Variants in ZNF766 observed in about 807,000 individuals in gnomAD.
ZNF766 encodes the protein zinc finger protein 766.
In ZNF766, 13 loss-of-function variants were observed where a neutral mutation model predicts 13.2. The ratio of observed to expected loss-of-function variants is 0.98; its 90% CI spans 0.64 to 1.56. The LOEUF is 1.56. ZNF766 is among the 40% of genes most tolerant of loss of function. The pLI, the probability that ZNF766 is intolerant of heterozygous loss-of-function variation, is 0.00. For missense variants in ZNF766, 521 were observed against 552.2 expected (o/e 0.94, Z 0.57); for synonymous variants, 178 against 187.6 (o/e 0.95, Z 0.42).
At chr19:52,272,971 A>G (rs1384098322) in intron 1 of ZNF766, among the ~76,000 whole-genome samples, 1 of 152,086 alleles carries the variant, frequency 6.6e-6, no homozygotes, top group African/African-American at 2.4e-5. Flanking sequence ...TGAACTTGTC[A>G]TATGTTCAAA....
intron 1 of ZNF766, 76 bp from the exon 2 acceptor site, chr19:52,282,035 A>AC: frequency 6.5e-7 from 1 of 1,544,792 alleles, no homozygotes; most frequent in Non-Finnish European, 8.8e-7. Flanking sequence ...GTCAGTCCTT[A>AC]CAACCCTCTT....
At chr19:52,271,216 A>G (rs1332169181) in intron 1 of ZNF766, among the ~76,000 whole-genome samples, 1 of 152,190 alleles carries the variant, frequency 6.6e-6, no homozygotes, top group African/African-American at 2.4e-5. Flanking sequence ...ATCAAAATAG[A>G]GGAGTGTGTT....
Position 52,283,317 on chromosome 19 carries a change from A to G in ZNF766, c.178A>G (p.Met60Val), listed in dbSNP as rs369038803. ...TCTTCCTGACCTGAGTATTATCTCC[A>G]TGATGAAGCAAAGGACAGAGCCCTG... ...ICLPDLSIISMMKQRTEPWTV... is the reference protein window; with the variant it reads ...ICLPDLSIISVMKQRTEPWTV... Residue 60 changes from methionine to valine, a missense_variant, in exon 3 of 4, where the codon ATG (methionine) becomes GTG (valine). Coordinates refer to ENST00000439461, the MANE Select transcript of ZNF766 (RefSeq NM_001010851.3). 114 of 1,614,050 alleles carry G rather than the reference A, an allele frequency of 7.1e-5. No individual in the cohort carries two copies. The African/African-American group carries it at 1.5e-3, about 21-fold the overall frequency.
chr19:52,272,889 T>G (rs1203644683), intron 1 of ZNF766, among the ~76,000 whole-genome samples: 2 of 152,082 alleles, frequency 1.3e-5, no homozygotes, highest in African/African-American at 4.8e-5. Flanking sequence ...CTTTCTGAAC[T>G]CCCCCAAATG....
intron 3 of ZNF766, among the ~76,000 whole-genome samples, chr19:52,287,584 A>G (rs1981896458): frequency 6.6e-6 from 1 of 152,168 alleles, no homozygotes; most frequent in Admixed American, 6.6e-5. Context: ...TATTTGATAG[A>G]ATTTTACACT....
rs758029957 is a variant in ZNF766 at position 52,269,654 on chromosome 19, TAA to T, written c.18+24_18+25del. On this transcript the variant is annotated intron_variant, in intron 1 of 3. Coordinates refer to ENST00000439461, the MANE Select transcript of ZNF766 (RefSeq NM_001010851.3). ...CGCGTGAGTTTTCCTTTGTTTAGAT[TAA>T]GTGTTCGCTTAGCGGTGCCCTCACG... 9 of 1,612,552 alleles carry T rather than the reference TAA, an allele frequency of 5.6e-6. No homozygotes were observed. The African/African-American group carries it at 9.3e-5, about 17-fold the overall frequency.
At chr19:52,289,048 G>C (rs1262923922) in intron 3 of ZNF766, among the ~76,000 whole-genome samples, 3 of 150,342 alleles carry the variant, frequency 2.0e-5, no homozygotes, top group African/African-American at 7.4e-5. Flanking sequence ...AGTAGAGATA[G>C]GGTTTCACCA....
At chr19:52,273,132 C>T (rs1014012615) in intron 1 of ZNF766, among the ~76,000 whole-genome samples, 1 of 152,074 alleles carries the variant, frequency 6.6e-6, no homozygotes, top group Non-Finnish European at 1.5e-5. Context: ...TCTCAGCCTC[C>T]CAAGTAGCTG....
rs7248487 is a variant in ZNF766, at chr19:52,292,110, A to G, written c.*912A>G. 5.0e-3 allele frequency: 3,525 copies of G among 701,554 alleles called. 35 individuals carry two copies. In the Middle Eastern group the frequency reaches 0.059, roughly 12 times the overall value. 43.5% of individuals were successfully genotyped at this position (701,554 alleles called of 1,614,324 possible). ...AAAAAGGCTAGTTTTTATGACTTCA[A>G]CCTGAACTTTGAAATTTCTTCATGT... On this transcript the variant is annotated 3_prime_UTR_variant, in exon 4 of 4. Coordinates refer to ENST00000439461, the MANE Select transcript of ZNF766 (RefSeq NM_001010851.3).
In ZNF766 at chr19:52,293,292, A is replaced by G. The variant is rs1194202030; in HGVS notation, c.*2094A>G. ...GGGTTCAAGTGATTCTCCTGTCTACACCTCCCAAGTAGCTGGATTACAGGC... is the reference window on the plus strand; with the variant it reads ...GGGTTCAAGTGATTCTCCTGTCTACGCCTCCCAAGTAGCTGGATTACAGGC... On this transcript the variant is annotated 3_prime_UTR_variant, in exon 4 of 4. Transcript: ENST00000439461. 2.0e-5 allele frequency: 3 copies of G among 148,118 alleles called. No homozygotes were observed. Among genetic ancestry groups the G allele is most frequent in the Non-Finnish European group, 3.0e-5 (2 of 67,398 alleles). 9.2% of individuals were successfully genotyped at this position (148,118 alleles called of 1,614,324 possible). A position where few individuals can be genotyped will look rare whatever the true frequency, so the allele number is the denominator to read the frequency against.
intron 3 of ZNF766, among the ~76,000 whole-genome samples, chr19:52,287,149 C>CT (rs565661735): frequency 7.1e-4 from 103 of 145,458 alleles, no homozygotes; most frequent in East Asian, 1.4e-3. Context: ...CTGCAGTTTT[C>CT]TTTTTTTTTT....
Position 52,292,418 on chromosome 19 carries a change from T to A in ZNF766, c.*1220T>A. 2.1e-6 allele frequency: 1 copy of A among 468,774 alleles called. No individual in the cohort carries two copies. The highest frequency in any genetic ancestry group is 4.0e-5 in the South Asian group (1 of 24,986). The allele number at this position is 468,774 out of a possible 1,614,324, so 29.0% of individuals were successfully genotyped here. On this transcript the variant is annotated 3_prime_UTR_variant, in exon 4 of 4. Transcript: ENST00000439461. ...CATGAAATAGAGCACGCCATGACTT[T>A]AGGACACAGGGATTTTTATGGGAAG...
rs552987205 is a variant in ZNF766 at position 52,279,865 on chromosome 19, G to A, written c.19-2246G>A. Among the ~76,000 whole-genome samples, 37 of 127,264 alleles carry A rather than the reference G, an allele frequency of 2.9e-4. No homozygotes were observed. In the Admixed American group the frequency reaches 3.2e-3, roughly 11 times the overall value. 83.5% of individuals were successfully genotyped at this position (127,264 alleles called of 152,430 possible). On this transcript the variant is annotated intron_variant, in intron 1 of 3. Coordinates refer to ENST00000439461, the MANE Select transcript of ZNF766 (RefSeq NM_001010851.3). ...GGCTGGAGTGCAGTGGTGTGATCTC[G>A]GCTCAGTGCAACCTGCATCTCCTGG...
intron 1 of ZNF766, among the ~76,000 whole-genome samples, chr19:52,272,172 G>A (rs544406581): frequency 6.6e-6 from 1 of 152,164 alleles, no homozygotes; most frequent in South Asian, 2.1e-4. Context: ...TCCAGTTCTT[G>A]ATTTACCCCC....
Position 52,283,096 on chromosome 19 carries a change from C to T in ZNF766, c.146-189C>T, listed in dbSNP as rs568259430. Among the ~76,000 whole-genome samples the T allele has an allele frequency of 5.9e-5, 9 of 152,276 alleles. No homozygotes were observed. In the South Asian group the frequency reaches 1.7e-3, roughly 28 times the overall value. On this transcript the variant is annotated intron_variant, in intron 2 of 3. Coordinates refer to ENST00000439461, the MANE Select transcript of ZNF766 (RefSeq NM_001010851.3). ...ACATGGTTGAACTAATTTACACTCC[C>T]ACCAACAGTGTAAAAGTGTTCCTGT...
chr19:52,274,581 A>G (rs1981111437), intron 1 of ZNF766: 1 of 152,368 alleles, frequency 6.6e-6, no homozygotes, highest in African/African-American at 2.4e-5. Context: ...GCTGAAGAAG[A>G]GGCAAGAGAA....
At chr19:52,281,937 A>G (rs777370274) in intron 1 of ZNF766, 174 bp from the exon 2 acceptor site, 7 of 747,332 alleles carry the variant, frequency 9.4e-6, no homozygotes, top group South Asian at 5.8e-5. Flanking sequence ...ATGGAAAAGT[A>G]TAATAAAACT....
intron 1 of ZNF766, among the ~76,000 whole-genome samples, chr19:52,273,519 G>A (rs895902323): frequency 1.3e-5 from 2 of 152,080 alleles, no homozygotes; most frequent in Non-Finnish European, 2.9e-5. Flanking sequence ...CTTTCCTGGG[G>A]CCAGGGTTGC....
At chr19:52,269,932 C>G (rs1980901336) in intron 1 of ZNF766, among the ~76,000 whole-genome samples, 1 of 152,218 alleles carries the variant, frequency 6.6e-6, no homozygotes, top group Admixed American at 6.5e-5. Context: ...GATCCACGCC[C>G]TCCGGGTCCC....
Sources: allele counts gnomAD v4.1 joint callset (sites outside exome capture counted in the v4.1 genomes callset), GRCh38; gene constraint gnomAD v4.1.1; transcripts MANE v1.5; gene names NCBI Gene and HGNC (gene_info 2026-07-23, HGNC 2026-07-21).